Variants in CACNA1H observed in about 807,000 individuals in gnomAD.
CACNA1H encodes the protein voltage-dependent T-type calcium channel subunit alpha-1H.
In CACNA1H, 149 loss-of-function variants were observed where a neutral mutation model predicts 192.5. The ratio of observed to expected loss-of-function variants is 0.77; its 90% CI spans 0.68 to 0.89. CACNA1H has a LOEUF of 0.89. CACNA1H is among the 40% of genes least tolerant of loss of function. The pLI is 0.00. For synonymous variants in CACNA1H, 2,202 were observed against 1,475.2 expected, an observed-to-expected ratio of 1.49 and a Z score of -11.29; for missense variants, 4,257 against 3,423.5, an observed-to-expected ratio of 1.24 and a Z score of -6.08.
At position 1,167,690 on chromosome 16, in the gene CACNA1H, C is replaced by T. The variant is rs556344070; in HGVS notation, c.299+13654C>T. On this transcript the variant is annotated intron_variant, in intron 2 of 34. Coordinates refer to ENST00000348261, the MANE Select transcript of CACNA1H (RefSeq NM_021098.3). This position sits in a 1 kb window ranked among gnomAD's most constrained non-coding sequence, Gnocchi z 4.2. The stretch of plus-strand genomic sequence containing the variant: ...ATAAAGCGGTTTGGCCCATGCAAGC[C>T]GGCTCCTGGCTAGGGACCCCGAGAC... Among the ~76,000 whole-genome samples the T allele has an allele frequency of 1.1e-4, 17 of 152,324 alleles. No homozygotes were observed. Among genetic ancestry groups the T allele is most frequent in the East Asian group, 7.7e-4 (4 of 5,178 alleles).
chr16:1,201,938 A>G lies in CACNA1H; in HGVS notation c.1488A>G (p.Gln496=). Residue 496 remains glutamine (Q), a synonymous_variant, in exon 9 of 35, where the codon CAA becomes CAG. Coordinates refer to ENST00000348261, the MANE Select transcript of CACNA1H (RefSeq NM_021098.3). Reference sequence around the variant, plus strand: ...AGAAGGTGGACCCCAGTGCTGTGCAAGGCCAGGGTCCCGGGCACCGCCAGC... The same window carrying G: ...AGAAGGTGGACCCCAGTGCTGTGCAGGGCCAGGGTCCCGGGCACCGCCAGC... ...WRKKVDPSAV[Q]GQGPGHRQRR... 6.5e-7 allele frequency: 1 copy of G among 1,548,886 alleles called. No individual in the cohort carries two copies. The highest frequency in any genetic ancestry group is 8.7e-7 in the Non-Finnish European group (1 of 1,146,172).
intron 2 of CACNA1H, among the ~76,000 whole-genome samples, chr16:1,188,900 C>T (rs1596363328): frequency 6.6e-6 from 1 of 152,236 alleles, no homozygotes; most frequent in Non-Finnish European, 1.5e-5. Context: ...GCAGCCGCTG[C>T]AGCACTGCCC....
chr16:1,209,094 C>T lies in CACNA1H; in HGVS notation c.3426C>T (p.Arg1142=). 1 of 1,549,284 alleles carries T rather than the reference C, an allele frequency of 6.5e-7. No individual in the cohort carries two copies. Among genetic ancestry groups the T allele is most frequent in the Non-Finnish European group, 8.7e-7 (1 of 1,150,492 alleles). Residue 1142 remains arginine, a synonymous_variant, in exon 17 of 35, where the codon CGC becomes CGT. Coordinates refer to ENST00000348261, the MANE Select transcript of CACNA1H (RefSeq NM_021098.3). ...WGPSGAWSSR[R]SSWSSLGRAP... is the part of the protein sequence containing the mutation. ...CCAGTGGCGCCTGGAGCAGCCGGCG[C>T]TCCAGCTGGAGCAGCCTGGGCCGTG...
At chr16:1,165,376 T>C (rs1963654301) in intron 2 of CACNA1H, among the ~76,000 whole-genome samples, 1 of 152,188 alleles carries the variant, frequency 6.6e-6, no homozygotes. Context: ...CCACGCTCTT[T>C]CGTGACAGCA....
chr16:1,221,376 T>C lies in CACNA1H; in HGVS notation c.*382T>C. ...GTTACAGGACACTCGCTGGGGGCCC[T>C]GTGCCCTTGCCGGCGGCAGGTTGCA... On this transcript the variant is annotated 3_prime_UTR_variant, in exon 35 of 35. Transcript: ENST00000348261. 3.1e-6 allele frequency: 1 copy of C among 319,250 alleles called. No homozygotes were observed. The allele number at this position is 319,250 out of a possible 1,614,324, so 19.8% of individuals were successfully genotyped here.
At chr16:1,216,511 G>A (rs1292649689) in intron 30 of CACNA1H, among the ~76,000 whole-genome samples, 2 of 152,234 alleles carry the variant, frequency 1.3e-5, no homozygotes, top group Non-Finnish European at 2.9e-5. Context: ...TCAGTCAGCT[G>A]CGTGCTGGCC....
intron 9 of CACNA1H, among the ~76,000 whole-genome samples, chr16:1,203,707 G>A (rs1394482054): frequency 2.0e-5 from 3 of 152,148 alleles, no homozygotes; most frequent in Non-Finnish European, 4.4e-5. Context: ...GCAAGTCCCC[G>A]GCTTGTCGAC....
At chr16:1,217,876 C>G in intron 31 of CACNA1H, 43 bp from the exon 32 acceptor site, 1 of 1,555,384 alleles carries the variant, frequency 6.4e-7, no homozygotes, top group South Asian at 1.2e-5. Context: ...CGCCTCCACC[C>G]GGAGCGGGCT....
At chr16:1,175,143 A>G (rs1383051535) in intron 2 of CACNA1H, among the ~76,000 whole-genome samples, 1 of 151,194 alleles carries the variant, frequency 6.6e-6, no homozygotes, top group Non-Finnish European at 1.5e-5. Flanking sequence ...TGCCCCACGT[A>G]ATGCCCTACT....
rs1033178129 is a variant in CACNA1H, at chr16:1,219,100, C to A, written c.6018C>A (p.Ser2006=). 4 of 1,546,372 alleles carry A rather than the reference C, an allele frequency of 2.6e-6. No individual in the cohort carries two copies. In the African/African-American group the frequency reaches 4.1e-5, roughly 16 times the overall value. Reference sequence around the variant, plus strand: ...TGTCCCCTCGGGGCACAGCCCGCTCCCCCAGTCTCAGCCGGCTGCTCTGCA... The same window carrying A: ...TGTCCCCTCGGGGCACAGCCCGCTCACCCAGTCTCAGCCGGCTGCTCTGCA... ...HALSPRGTAR[S]PSLSRLLCRQ... is the part of the protein sequence containing the mutation. Residue 2006 remains serine (S), a synonymous_variant, in exon 34 of 35, where the codon TCC becomes TCA. Coordinates refer to ENST00000348261, the MANE Select transcript of CACNA1H (RefSeq NM_021098.3).
chr16:1,207,353 G>A lies in CACNA1H; in HGVS notation c.2986G>A (p.Val996Met), dbSNP rs769872866. The A allele has an allele frequency of 6.2e-6, 10 of 1,613,012 alleles. No homozygotes were observed. Among genetic ancestry groups the A allele is most frequent in the Admixed American group, 1.7e-5 (1 of 59,964 alleles). ...CTCCTCCTGGGCCGCCCTCTACTTCGTGGCCCTCATGACCTTCGGCAACTA... is the reference window on the plus strand; with the variant it reads ...CTCCTCCTGGGCCGCCCTCTACTTCATGGCCCTCATGACCTTCGGCAACTA... ...STSSWAALYF[V>M]ALMTFGNYVL... The change falls in exon 14 of 35, where the codon GTG becomes ATG. Residue 996 changes from valine (V) to methionine (M), a missense_variant. Val to Met is a conservative substitution (Grantham distance 21). Coordinates refer to ENST00000348261, the MANE Select transcript of CACNA1H (RefSeq NM_021098.3).
intron 31 of CACNA1H, 68 bp downstream of exon 31, chr16:1,217,078 C>G (rs1970088100): frequency 1.5e-6 from 2 of 1,346,080 alleles, no homozygotes; most frequent in Admixed American, 2.0e-5. Context: ...TGCCCATCCA[C>G]TCACACGCAG....
At chr16:1,162,916 G>A (rs1454335592) in intron 2 of CACNA1H, among the ~76,000 whole-genome samples, 3 of 152,218 alleles carry the variant, frequency 2.0e-5, no homozygotes, top group Admixed American at 6.5e-5. Context: ...TCCCTGGAAC[G>A]CCTCTTCTCA....
At chr16:1,186,554 C>T (rs746098610) in intron 2 of CACNA1H, among the ~76,000 whole-genome samples, 1 of 152,088 alleles carries the variant, frequency 6.6e-6, no homozygotes, top group South Asian at 2.1e-4. Context: ...CTGGGAACGT[C>T]TCTGTACCTC....
chr16:1,179,301 C>G (rs1483187582), intron 2 of CACNA1H, among the ~76,000 whole-genome samples: 1 of 152,128 alleles, frequency 6.6e-6, no homozygotes, highest in Non-Finnish European at 1.5e-5. Flanking sequence ...GGTCCCTGAC[C>G]TCAGTCACCA....
rs372375376 is a variant in CACNA1H at position 1,219,996 on chromosome 16, G to A, written c.6064G>A (p.Asp2022Asn). The change falls in exon 35 of 35, where the codon GAT becomes AAT. Residue 2022 changes from aspartate (D) to asparagine (N), a missense_variant. Physicochemically the swap from Asp to Asn is conservative, Grantham distance 23. Transcript: ENST00000348261. ...LLCRQEAVHT[D>N]SLEGKIDSPR... ...GCCCCCACAGGAGGCTGTGCACACC[G>A]ATTCCTTGGAAGGGAAGATTGACAG... The A allele has an allele frequency of 1.9e-5, 26 of 1,341,544 alleles. No individual in the cohort carries two copies. Among genetic ancestry groups the A allele is most frequent in the African/African-American group, 3.0e-5 (2 of 65,780 alleles). The allele number at this position is 1,341,544 out of a possible 1,614,324, so 83.1% of individuals were successfully genotyped here.
chr16:1,161,321 G>C (rs1172803899), intron 2 of CACNA1H, among the ~76,000 whole-genome samples: 1 of 152,126 alleles, frequency 6.6e-6, no homozygotes, highest in African/African-American at 2.4e-5. Context: ...GCAAGCCCTC[G>C]CCTCTGTTGA....
At chr16:1,168,107 C>A (rs1963980389) in intron 2 of CACNA1H, among the ~76,000 whole-genome samples, 1 of 152,096 alleles carries the variant, frequency 6.6e-6, no homozygotes, top group Non-Finnish European at 1.5e-5. Context: ...GAGAGGTGGA[C>A]CAGAATTCCC....
Position 1,218,041 on chromosome 16 carries a change from G to A in CACNA1H, c.5445+1G>A. 1 of 1,592,290 alleles carries A rather than the reference G, an allele frequency of 6.3e-7. No individual in the cohort carries two copies. The highest frequency in any genetic ancestry group is 8.6e-7 in the Non-Finnish European group (1 of 1,167,874). ...GGACAACTGGAACGGGATCATGAAG[G>A]TACCCGCCGCGGCCATGCCTCTGGC... On this transcript the variant is annotated splice_donor_variant, in intron 32 of 34. Coordinates refer to ENST00000348261, the MANE Select transcript of CACNA1H (RefSeq NM_021098.3). LOFTEE classifies it high-confidence loss of function.
Sources: allele counts gnomAD v4.1 joint callset (sites outside exome capture counted in the v4.1 genomes callset), GRCh38; gene constraint gnomAD v4.1.1; non-coding constraint Gnocchi (gnomAD v3.1); transcripts MANE v1.5; gene names NCBI Gene and HGNC (gene_info 2026-07-23, HGNC 2026-07-21).